Variants in MAGI2 observed in about 807,000 individuals in gnomAD.
MAGI2 encodes the protein membrane associated guanylate kinase, WW and PDZ domain containing 2.
Under a neutral mutation model 133.3 loss-of-function variants are expected in MAGI2, and 35 were observed. The observed-to-expected ratio is 0.26, with a 90% confidence interval of 0.20 to 0.35. MAGI2 has a LOEUF of 0.35. Among genes scored for constraint, MAGI2 ranks in the 10% least tolerant of loss-of-function variants. MAGI2 has a pLI of 1.00. For missense variants in MAGI2, 1,636 were observed against 1,863.4 expected (o/e 0.88, Z 2.25); for synonymous variants, 729 against 710.6 (o/e 1.03, Z -0.41).
chr7:78,630,516 A>ACTGCCTCC (rs1808862930), intron 2 of MAGI2, among the ~76,000 whole-genome samples: 1 of 145,614 alleles, frequency 6.9e-6, no homozygotes, highest in African/African-American at 2.6e-5. Flanking sequence ...TCCAGGGTTC[A>ACTGCCTCC]AGTGATTCTC....
chr7:79,436,140 T>A (rs1448410752), intron 1 of MAGI2, among the ~76,000 whole-genome samples: 9 of 150,340 alleles, frequency 6.0e-5, no homozygotes, highest in Non-Finnish European at 1.2e-4. Context: ...AAGATTTAGA[T>A]GTAAGTCCTG....
chr7:79,155,950 A>G (rs558825839), intron 1 of MAGI2, among the ~76,000 whole-genome samples: 1 of 152,296 alleles, frequency 6.6e-6, no homozygotes, highest in South Asian at 2.1e-4. Context: ...TAGAGTATGC[A>G]GATTGGAGTC....
intron 21 of MAGI2, among the ~76,000 whole-genome samples, chr7:78,058,477 C>CTTTT (rs1177988147): frequency 3.0e-5 from 2 of 67,394 alleles, no homozygotes; most frequent in Non-Finnish European, 5.9e-5. Flanking sequence ...TCTTAAAATT[C>CTTTT]CTTTTTTTTT....
rs1398405264 is a variant in MAGI2, at chr7:79,180,550, CTTCCCACTGG to C, written c.302-173354_302-173345del. On this transcript the variant is annotated intron_variant, in intron 1 of 21. Transcript: ENST00000354212. ...AAGACCTGCCCCCATGATTCAACCACTTCCCACTGGTTCCATCCCACAACATGTGGGAATT... is the reference window on the plus strand; with the variant it reads ...AAGACCTGCCCCCATGATTCAACCACTTCCATCCCACAACATGTGGGAATT... Among the ~76,000 whole-genome samples, 5 of 152,144 alleles carry C rather than the reference CTTCCCACTGG, an allele frequency of 3.3e-5. No homozygotes were observed. In the East Asian group the frequency reaches 9.7e-4, roughly 30 times the overall value.
chr7:78,728,214 T>C (rs1373494364), intron 2 of MAGI2, among the ~76,000 whole-genome samples: 1 of 151,980 alleles, frequency 6.6e-6, no homozygotes, highest in East Asian at 1.9e-4. Flanking sequence ...ATAACTGAGA[T>C]ATTAAATACA....
chr7:78,120,527 A>G (rs1434210475), intron 20 of MAGI2, among the ~76,000 whole-genome samples: 1 of 152,256 alleles, frequency 6.6e-6, no homozygotes, highest in Admixed American at 6.5e-5. Context: ...GTTTCCCCAT[A>G]CAAAACTCAA....
At chr7:79,193,588 A>T (rs1053030402) in intron 1 of MAGI2, among the ~76,000 whole-genome samples, 2 of 151,986 alleles carry the variant, frequency 1.3e-5, no homozygotes, top group African/African-American at 4.8e-5. Context: ...GGTAAAATGC[A>T]TACTAATAAA....
At chr7:79,268,676 T>C (rs1563063570) in intron 1 of MAGI2, among the ~76,000 whole-genome samples, 1 of 152,232 alleles carries the variant, frequency 6.6e-6, no homozygotes, top group Non-Finnish European at 1.5e-5. Flanking sequence ...TGTTTCCCTT[T>C]AATTTCAGTG....
intron 5 of MAGI2, among the ~76,000 whole-genome samples, chr7:78,496,648 A>T (rs906281809): frequency 3.3e-5 from 5 of 152,148 alleles, no homozygotes; most frequent in African/African-American, 1.2e-4. Context: ...ATGACTCTGT[A>T]GAGTGAAAGA....
At chr7:78,993,405 T>C (rs1405463632) in intron 2 of MAGI2, among the ~76,000 whole-genome samples, 2 of 152,078 alleles carry the variant, frequency 1.3e-5, no homozygotes, top group African/African-American at 2.4e-5. Flanking sequence ...TATATGTATA[T>C]TGGATTATCC....
At chr7:78,573,027 A>ATATG (rs1216428996) in intron 3 of MAGI2, among the ~76,000 whole-genome samples, 6 of 65,438 alleles carry the variant, frequency 9.2e-5, no homozygotes, top group South Asian at 6.2e-4. Flanking sequence ...ATATATATGC[A>ATATG]TATGTATGTA....
At chr7:79,168,191 A>T (rs1325668080) in intron 1 of MAGI2, among the ~76,000 whole-genome samples, 1 of 151,908 alleles carries the variant, frequency 6.6e-6, no homozygotes. Flanking sequence ...CTGATTTCCT[A>T]CTTTATACCT....
chr7:78,608,623 T>C (rs961330212), intron 3 of MAGI2, among the ~76,000 whole-genome samples: 1 of 152,116 alleles, frequency 6.6e-6, no homozygotes, highest in East Asian at 1.9e-4. Context: ...GTAACTGACT[T>C]GAGAGTTACA....
intron 1 of MAGI2, among the ~76,000 whole-genome samples, chr7:79,175,509 G>A (rs1366225656): frequency 1.3e-5 from 2 of 151,866 alleles, no homozygotes; most frequent in Non-Finnish European, 2.9e-5. Flanking sequence ...TTTGAAAAAT[G>A]AATGCCTGAA....
intron 20 of MAGI2, among the ~76,000 whole-genome samples, chr7:78,088,760 A>G (rs531347446): frequency 1.3e-5 from 2 of 152,328 alleles, no homozygotes; most frequent in South Asian, 2.1e-4. Flanking sequence ...TCTGTGGCAG[A>G]CAGAATAAAG....
intron 21 of MAGI2, among the ~76,000 whole-genome samples, chr7:78,039,320 G>T (rs536358872): frequency 6.6e-6 from 1 of 152,208 alleles, no homozygotes; most frequent in African/African-American, 2.4e-5. Flanking sequence ...AGTGCCTAAA[G>T]GTGCCAGTGT....
rs753787460 is a variant in MAGI2 at position 78,027,627 on chromosome 7, C to CAAA, written c.3707-7654_3707-7652dup. ...TGGGCGACAGAGTGAGACTCCATCT[C>CAAA]AAAAAAAAAAAAAAAAGAAAGAAAA... On this transcript the variant is annotated intron_variant, in intron 21 of 21. Transcript: ENST00000354212. Among the ~76,000 whole-genome samples the CAAA allele has an allele frequency of 1.1e-4, 9 of 84,390 alleles. 1 individual carries two copies. The highest frequency in any genetic ancestry group is 1.5e-4 in the African/African-American group (4 of 26,314). 55.4% of individuals were successfully genotyped at this position (84,390 alleles called of 152,430 possible).
In MAGI2 at chr7:78,529,063, T is replaced by C. The variant is rs17150962; in HGVS notation, c.539-7418A>G. On this transcript the variant is annotated intron_variant, in intron 3 of 21. Coordinates refer to ENST00000354212, the MANE Select transcript of MAGI2 (RefSeq NM_012301.4). Reference sequence around the variant, plus strand: ...ATTTCAAATTTGTTGTAAATTAAATTAACGCTGGTTTCACAATATGATCTC... The same window carrying C: ...ATTTCAAATTTGTTGTAAATTAAATCAACGCTGGTTTCACAATATGATCTC... 1.1e-3 allele frequency among the ~76,000 whole-genome samples: 171 copies of C among 152,288 alleles called. 2 individuals are homozygous for C. The East Asian group carries it at 0.03, about 27-fold the overall frequency.
At chr7:79,036,403 T>C (rs1437390283) in intron 1 of MAGI2, among the ~76,000 whole-genome samples, 2 of 152,172 alleles carry the variant, frequency 1.3e-5, no homozygotes, top group Non-Finnish European at 2.9e-5. Flanking sequence ...GTTTCCTACA[T>C]GACTGAGGAT....
Sources: allele counts gnomAD v4.1 joint callset (sites outside exome capture counted in the v4.1 genomes callset), GRCh38; gene constraint gnomAD v4.1.1; transcripts MANE v1.5; gene names NCBI Gene and HGNC (gene_info 2026-07-23, HGNC 2026-07-21).